Variants in CBFA2T2 observed in about 807,000 individuals in gnomAD.
The protein encoded by CBFA2T2 is CBFA2/RUNX1 partner transcriptional co-repressor 2.
A neutral mutation model predicts 62.2 loss-of-function variants in CBFA2T2; 11 were observed. The ratio of observed to expected loss-of-function variants is 0.18; its 90% CI spans 0.11 to 0.29. CBFA2T2 has a LOEUF of 0.29. CBFA2T2 is among the 10% of genes least tolerant of loss of function. The pLI, the probability that CBFA2T2 is intolerant of heterozygous loss-of-function variation, is 1.00. For synonymous variants in CBFA2T2, 295 were observed against 287.5 expected, an observed-to-expected ratio of 1.03 and a Z score of -0.27; for missense variants, 592 against 774.1, an observed-to-expected ratio of 0.76 and a Z score of 2.79.
chr20:33,547,207 AAAAAAT>A (rs2012599240), intron 1 of CBFA2T2, among the ~76,000 whole-genome samples: 1 of 151,932 alleles, frequency 6.6e-6, no homozygotes, highest in Non-Finnish European at 1.5e-5. Context: ...CTCAAAAAGA[AAAAAAT>A]AAAAAAGACC....
chr20:33,632,885 A>G (rs992952243), intron 8 of CBFA2T2, among the ~76,000 whole-genome samples: 2 of 152,022 alleles, frequency 1.3e-5, no homozygotes, highest in African/African-American at 4.8e-5. Context: ...TAGCCTCCCA[A>G]GTAGCTGAGA....
chr20:33,596,041 G>T (rs780709909), intron 1 of CBFA2T2, among the ~76,000 whole-genome samples: 1 of 152,150 alleles, frequency 6.6e-6, no homozygotes, highest in East Asian at 1.9e-4. Flanking sequence ...GACTATTCAA[G>T]AATATAAATC....
Position 33,629,809 on chromosome 20 carries a change from A to T in CBFA2T2, c.1123A>T (p.Asn375Tyr), listed in dbSNP as rs751122296. 1 of 1,614,100 alleles carries T rather than the reference A, an allele frequency of 6.2e-7. No homozygotes were observed. The highest frequency in any genetic ancestry group is 1.7e-5 in the Admixed American group (1 of 60,020). The change falls in exon 8 of 11, where the codon AAC (asparagine) becomes TAC (tyrosine). Residue 375 changes from asparagine (N) to tyrosine (Y), a missense_variant. Around this residue, in one of 3 missense-constraint regions of CBFA2T2, gnomAD observed 449 missense variants for 551.2 expected, o/e 0.81. Transcript: ENST00000342704. ...RCQESDREEL[N>Y]YWKRRYNENT... The stretch of plus-strand genomic sequence containing the variant: ...TCAGGAATCAGATCGTGAAGAACTC[A>T]ACTACTGGAAAAGACGGTACAATGA...
intron 1 of CBFA2T2, among the ~76,000 whole-genome samples, chr20:33,503,612 A>T (rs2011340189): frequency 6.6e-6 from 1 of 152,110 alleles, no homozygotes. Flanking sequence ...AGTGAAATAT[A>T]TTCATTTTGT....
intron 1 of CBFA2T2, among the ~76,000 whole-genome samples, chr20:33,513,491 A>T (rs1472050263): frequency 1.3e-5 from 2 of 151,022 alleles, no homozygotes; most frequent in Non-Finnish European, 3.0e-5. Flanking sequence ...TCCCAATTAC[A>T]GCTGGGATTA....
intron 1 of CBFA2T2, among the ~76,000 whole-genome samples, chr20:33,503,759 G>A (rs976586780): frequency 2.6e-5 from 4 of 151,984 alleles, no homozygotes; most frequent in East Asian, 1.9e-4. Flanking sequence ...TGGCCCAAGC[G>A]AATCTCCTGC....
chr20:33,497,670 C>T (rs2011218805), intron 1 of CBFA2T2, among the ~76,000 whole-genome samples: 1 of 151,768 alleles, frequency 6.6e-6, no homozygotes, highest in Non-Finnish European at 1.5e-5. Context: ...CTGCCTCCGC[C>T]TCCCGAGTAG....
chr20:33,575,554 G>A (rs1029073522), intron 1 of CBFA2T2, among the ~76,000 whole-genome samples: 36 of 152,208 alleles, frequency 2.4e-4, no homozygotes, highest in African/African-American at 8.7e-4. Flanking sequence ...TTTCTGTACT[G>A]TATTGCAGTT....
intron 1 of CBFA2T2, among the ~76,000 whole-genome samples, chr20:33,589,004 A>G (rs897779822): frequency 5.9e-5 from 9 of 152,176 alleles, no homozygotes; most frequent in Non-Finnish European, 1.0e-4. Flanking sequence ...ATTTCCATAA[A>G]TACATCCCTT....
At chr20:33,523,893 AG>A (rs1021644656) in intron 1 of CBFA2T2, among the ~76,000 whole-genome samples, 8 of 152,100 alleles carry the variant, frequency 5.3e-5, no homozygotes, top group Non-Finnish European at 8.8e-5. Flanking sequence ...CATGTTGGTC[AG>A]ACTGATCTCG....
In CBFA2T2 at chr20:33,644,333, C is replaced by A. The variant is rs368061784; in HGVS notation, c.1489-14C>A. The A allele has an allele frequency of 1.9e-6, 3 of 1,601,510 alleles. No homozygotes were observed. The highest frequency in any genetic ancestry group is 1.7e-6 in the Non-Finnish European group (2 of 1,171,282). ...CAATCCCAGCAACCACTAACTGATG[C>A]CTGTGTCTTGCAGAACTGCTGGAAC... On this transcript the variant is annotated splice_polypyrimidine_tract_variant and intron_variant, in intron 10 of 10. Coordinates refer to ENST00000342704, the MANE Select transcript of CBFA2T2 (RefSeq NM_001032999.3).
intron 1 of CBFA2T2, among the ~76,000 whole-genome samples, chr20:33,555,750 A>G (rs2012879793): frequency 6.6e-6 from 1 of 152,254 alleles, no homozygotes; most frequent in African/African-American, 2.4e-5. Context: ...GGTTTTATAA[A>G]TTATTTCAAT....
chr20:33,497,287 A>G (rs1600897151), intron 1 of CBFA2T2, among the ~76,000 whole-genome samples: 1 of 150,748 alleles, frequency 6.6e-6, no homozygotes, highest in East Asian at 1.9e-4. Flanking sequence ...AAAAAAAAAA[A>G]AAAAAAAAAA....
At chr20:33,548,974 GTCCATCCATCCATCCA>G (rs145778204) in intron 1 of CBFA2T2, among the ~76,000 whole-genome samples, 9 of 151,430 alleles carry the variant, frequency 5.9e-5, no homozygotes, top group Non-Finnish European at 1.0e-4. Flanking sequence ...CTGTCCATCC[GTCCATCCATCCATCCA>G]TCCATCCATC....
intron 1 of CBFA2T2, 38 bp downstream of exon 1, chr20:33,490,339 TGTGAGG>T: frequency 7.9e-7 from 1 of 1,266,990 alleles, no homozygotes; most frequent in Non-Finnish European, 9.9e-7. Context: ...GAGGGGGGCG[TGTGAGG>T]GCCTGCGGCT....
intron 1 of CBFA2T2, among the ~76,000 whole-genome samples, chr20:33,540,924 T>C (rs1389461267): frequency 1.3e-5 from 2 of 152,172 alleles, no homozygotes; most frequent in East Asian, 1.9e-4. Context: ...TAGAATATAA[T>C]GTGAAAGGTA....
rs1486963869 is a variant in CBFA2T2, at chr20:33,624,873, C to G, written c.802C>G (p.Leu268Val). The G allele has an allele frequency of 1.2e-6, 2 of 1,614,028 alleles. No individual in the cohort carries two copies. Among genetic ancestry groups the G allele is most frequent in the African/African-American group, 2.7e-5 (2 of 74,888 alleles). The stretch of plus-strand genomic sequence containing the variant: ...GCACAGTCCTGCTCTCACTGTGCCC[C>G]TCATGAATCCCGGGGGCCAATTCCA... ...PRHSPALTVP[L>V]MNPGGQFHPT... The change falls in exon 6 of 11, where the codon CTC becomes GTC. Residue 268 changes from leucine (L) to valine (V), a missense_variant. Physicochemically the swap from Leu to Val is conservative, Grantham distance 32. Coordinates refer to ENST00000342704, the MANE Select transcript of CBFA2T2 (RefSeq NM_001032999.3).
At chr20:33,609,502 TA>T (rs1404416325) in intron 2 of CBFA2T2, among the ~76,000 whole-genome samples, 6 of 147,192 alleles carry the variant, frequency 4.1e-5, no homozygotes, top group African/African-American at 1.2e-4. Flanking sequence ...ACTCGGTCTC[TA>T]AAAAAAAAAG....
intron 5 of CBFA2T2, 70 bp from the exon 6 acceptor site, chr20:33,624,682 CTAATACATAGTA>C: frequency 6.7e-7 from 1 of 1,489,650 alleles, no homozygotes; most frequent in Non-Finnish European, 9.2e-7. Flanking sequence ...AGCAAAATAC[CTAATACATAGTA>C]GGTTCTCAGG....
Sources: allele counts gnomAD v4.1 joint callset (sites outside exome capture counted in the v4.1 genomes callset), GRCh38; gene constraint gnomAD v4.1.1; regional missense constraint gnomAD v4.1.1; transcripts MANE v1.5; gene names NCBI Gene and HGNC (gene_info 2026-07-23, HGNC 2026-07-21).